SPIRE2: variants seen among roughly 807,000 people sequenced by gnomAD.
SPIRE2 encodes spire type actin nucleation factor 2.
A neutral mutation model predicts 80.7 loss-of-function variants in SPIRE2; 76 were observed. The observed-to-expected ratio is 0.94, with a 90% CI of 0.78 to 1.14. The LOEUF (loss-of-function observed/expected upper bound fraction) is 1.14, where lower values mean the gene tolerates loss of function less well. SPIRE2 is among the 50% of genes most tolerant of loss of function. The probability of loss-of-function intolerance (pLI) is 0.00; values close to 1 mark genes in which losing one functional copy is unlikely to be tolerated. For synonymous variants in SPIRE2, 535 were observed against 432.6 expected, an observed-to-expected ratio of 1.24 and a Z score of -2.94; for missense variants, 1,196 against 1,015.3, an observed-to-expected ratio of 1.18 and a Z score of -2.42.
At chr16:89,861,788 A>G (rs1567677809) in intron 10 of SPIRE2, among the ~76,000 whole-genome samples, 2 of 152,144 alleles carry the variant, frequency 1.3e-5, no homozygotes, top group Non-Finnish European at 2.9e-5. Flanking sequence ...AGGAGGCGTG[A>G]GTCCCTTGCT....
chr16:89,829,034 C>T (rs1224164694), intron 1 of SPIRE2, among the ~76,000 whole-genome samples: 2 of 152,210 alleles, frequency 1.3e-5, no homozygotes, highest in African/African-American at 2.4e-5. Flanking sequence ...CCTCCCGGAC[C>T]CCCCCACCTG....
At chr16:89,839,800 G>A (rs1193383704) in intron 1 of SPIRE2, among the ~76,000 whole-genome samples, 1 of 152,234 alleles carries the variant, frequency 6.6e-6, no homozygotes, top group Non-Finnish European at 1.5e-5. Context: ...CTCCCCCAGA[G>A]CCATCCCTGT....
Position 89,863,982 on chromosome 16 carries a change from G to A in SPIRE2, c.1778+121G>A. On this transcript the variant is annotated intron_variant, in intron 12 of 14. Transcript: ENST00000378247. The surrounding 1 kb of genome is among the most constrained non-coding windows in gnomAD (Gnocchi z 4.3). The stretch of plus-strand genomic sequence containing the variant: ...TGTTCTAGCATGTTCGATGGCTGAT[G>A]AGTCCACAAGATATGGTTAGTACGA... 4 of 679,508 alleles carry A rather than the reference G, an allele frequency of 5.9e-6. No homozygotes were observed. The highest frequency in any genetic ancestry group is 1.0e-5 in the Non-Finnish European group (4 of 385,960). 42.1% of individuals were successfully genotyped at this position (679,508 alleles called of 1,614,324 possible). A position where few individuals can be genotyped will look rare whatever the true frequency, so the allele number is the denominator to read the frequency against.
At position 89,863,553 on chromosome 16, in the gene SPIRE2, C is replaced by T. The variant is rs151251910; in HGVS notation, c.1653C>T (p.Ala551=). ...VMDVRRVLVK[A]EMEKFLQNKE... ...ACGTGCGCCGTGTGCTGGTGAAGGC[C>T]GAGATGGAAAAGTTTTTGCAGAACA... The change falls in exon 11 of 15, where the codon GCC becomes GCT. Residue 551 remains alanine, a synonymous_variant. Coordinates refer to ENST00000378247, the MANE Select transcript of SPIRE2 (RefSeq NM_032451.2). This position sits in a 1 kb window ranked among gnomAD's most constrained non-coding sequence, Gnocchi z 4.3. The T allele has an allele frequency of 1.1e-5, 17 of 1,613,916 alleles. No homozygotes were observed. The highest frequency in any genetic ancestry group is 6.7e-5 in the East Asian group (3 of 44,896).
chr16:89,843,681 GTTTGTTTTT>G (rs1567671341), intron 1 of SPIRE2, among the ~76,000 whole-genome samples: 921 of 64,890 alleles, frequency 0.014, 33 homozygotes, highest in South Asian at 0.018. Flanking sequence ...TTTTTTTTTT[GTTTGTTTTT>G]GTTTTTTGTT....
intron 12 of SPIRE2, among the ~76,000 whole-genome samples, chr16:89,867,496 A>G (rs1436824846): frequency 1.3e-5 from 2 of 151,972 alleles, no homozygotes; most frequent in African/African-American, 4.8e-5. Flanking sequence ...AAACTTTCCA[A>G]AAGTATGTGA....
intron 13 of SPIRE2, 71 bp downstream of exon 13, chr16:89,868,287 T>C (rs2041807403): frequency 6.8e-7 from 1 of 1,466,656 alleles, no homozygotes; most frequent in African/African-American, 1.4e-5. Context: ...TGATTGGATG[T>C]GTTGGATGAT....
At chr16:89,840,173 C>G (rs145653684) in intron 1 of SPIRE2, among the ~76,000 whole-genome samples, 1 of 151,960 alleles carries the variant, frequency 6.6e-6, no homozygotes, top group Admixed American at 6.6e-5. Context: ...CGACCTTCCT[C>G]TTGAAGCTGC....
intron 1 of SPIRE2, among the ~76,000 whole-genome samples, chr16:89,844,851 G>A (rs1347926650): frequency 6.6e-6 from 1 of 152,186 alleles, no homozygotes; most frequent in African/African-American, 2.4e-5. Context: ...TCAAAGTGCT[G>A]GGATTATAGG....
Position 89,871,085 on chromosome 16 carries a change from C to A in SPIRE2, c.*813C>A. The A allele has an allele frequency of 6.7e-6, 1 of 148,420 alleles. No individual in the cohort carries two copies. The highest frequency in any genetic ancestry group is 1.5e-5 in the Non-Finnish European group (1 of 66,878). 9.2% of individuals were successfully genotyped at this position (148,420 alleles called of 1,614,324 possible). ...TGGGCGACAGAGCGAGACTCTGTCTCGAAAAAAAAAAAGGTCCGTGCCAAG... is the reference window on the plus strand; with the variant it reads ...TGGGCGACAGAGCGAGACTCTGTCTAGAAAAAAAAAAAGGTCCGTGCCAAG... On this transcript the variant is annotated 3_prime_UTR_variant, in exon 15 of 15. Coordinates refer to ENST00000378247, the MANE Select transcript of SPIRE2 (RefSeq NM_032451.2).
At chr16:89,848,539 G>A (rs1186755819) in intron 2 of SPIRE2, among the ~76,000 whole-genome samples, 1 of 146,522 alleles carries the variant, frequency 6.8e-6, no homozygotes, top group Non-Finnish European at 1.5e-5. Context: ...TGTTTCTGCA[G>A]GACAGACGAG....
chr16:89,845,861 T>C (rs947660097), intron 2 of SPIRE2: 5 of 526,706 alleles, frequency 9.5e-6, no homozygotes, highest in African/African-American at 7.9e-5. Context: ...GCCTTTTTAG[T>C]TTTCTTTCTT....
In SPIRE2 at chr16:89,828,983, TCTCTCCCTCCTTC is replaced by T. The variant is rs1384448191; in HGVS notation, c.244+200_244+212del. ...TTTCCCTCTCTCTTTCCTCCCTCCT[TCTCTCCCTCCTTC>T]CTCTCCCTCCCCGGCCCTGGACGTT... is the stretch of plus-strand genomic sequence containing the variant. On this transcript the variant is annotated intron_variant, in intron 1 of 14. Transcript: ENST00000378247. This position sits in a 1 kb window ranked among gnomAD's most constrained non-coding sequence, Gnocchi z 5.9. Among the ~76,000 whole-genome samples, 6 of 152,008 alleles carry T rather than the reference TCTCTCCCTCCTTC, an allele frequency of 3.9e-5. No individual in the cohort carries two copies. The highest frequency in any genetic ancestry group is 1.9e-4 in the East Asian group (1 of 5,168).
chr16:89,850,252 C>T (rs1345373000), intron 2 of SPIRE2, 52 bp from the exon 3 acceptor site: 2 of 1,536,520 alleles, frequency 1.3e-6, no homozygotes. Context: ...CCGCGTTCTC[C>T]CCGCCCCACC....
At chr16:89,840,302 T>C (rs1319001475) in intron 1 of SPIRE2, among the ~76,000 whole-genome samples, 3 of 146,086 alleles carry the variant, frequency 2.1e-5, no homozygotes, top group Non-Finnish European at 3.0e-5. Context: ...CAGGCTGGAG[T>C]GCAGTGGCGC....
chr16:89,831,166 T>C (rs548172000), intron 1 of SPIRE2, among the ~76,000 whole-genome samples: 2 of 149,586 alleles, frequency 1.3e-5, no homozygotes, highest in African/African-American at 2.4e-5. Flanking sequence ...ACCTCGGCCT[T>C]CCAAAGTGCT....
At chr16:89,831,995 T>A (rs757606399) in intron 1 of SPIRE2, among the ~76,000 whole-genome samples, 2 of 152,282 alleles carry the variant, frequency 1.3e-5, no homozygotes, top group African/African-American at 2.4e-5. Context: ...TCCAGAGCTC[T>A]GCAGAGGGCG....
chr16:89,833,821 G>A (rs544708481), intron 1 of SPIRE2, among the ~76,000 whole-genome samples: 12 of 152,312 alleles, frequency 7.9e-5, no homozygotes, highest in Admixed American at 3.3e-4. Context: ...AGGTGCACCC[G>A]GTGGGGGCTG....
rs927787864 is a variant in SPIRE2 at position 89,845,327 on chromosome 16, G to A, written c.250G>A (p.Ala84Thr). 5 of 1,614,054 alleles carry A rather than the reference G, an allele frequency of 3.1e-6. No individual in the cohort carries two copies. In the African/African-American group the frequency reaches 5.3e-5, roughly 17 times the overall value. The change falls in exon 2 of 15, where the codon GCA becomes ACA. Residue 84 changes from alanine (A) to threonine (T), a missense_variant. By Grantham distance (58) the Ala-to-Thr change is moderately conservative. Transcript: ENST00000378247. The stretch of plus-strand genomic sequence containing the variant: ...AACTCCCTCTTCTCTTACAGAACCT[G>A]CAACCATGGTCGTGCCACTAGCCAG... Reference protein sequence around the residue: ...GAREPEAAEPATMVVPLASSE... With the variant: ...GAREPEAAEPTTMVVPLASSE...
Sources: gnomAD v4.1 joint callset for allele counts (sites outside exome capture counted in the v4.1 genomes callset) on GRCh38, gnomAD v4.1.1 for gene constraint, Gnocchi (gnomAD v3.1) non-coding constraint, MANE v1.5 for transcripts, NCBI Gene and HGNC (gene_info 2026-07-23, HGNC 2026-07-21) for gene names.